HS6ST2: variants seen among roughly 807,000 people sequenced by gnomAD.
HS6ST2 encodes the protein heparan-sulfate 6-O-sulfotransferase 2.
Under a neutral mutation model 33.0 loss-of-function variants are expected in HS6ST2, and 17 were observed. The observed-to-expected ratio is 0.52, with a 90% confidence interval of 0.35 to 0.77. HS6ST2 has a LOEUF of 0.77. Among genes scored for constraint, HS6ST2 ranks in the 30% least tolerant of loss-of-function variants. The pLI is 0.01. For missense variants in HS6ST2, 519 were observed against 551.7 expected (o/e 0.94, Z 0.59); for synonymous variants, 248 against 237.1 (o/e 1.05, Z -0.42).
chrX:132,870,407 GAA>G (rs1289370837), intron 2 of HS6ST2, among the ~76,000 whole-genome samples: 1 of 111,696 alleles, frequency 9.0e-6, no homozygotes, highest in Non-Finnish European at 1.9e-5. Context: ...CACAGAATTG[GAA>G]AAAACTACTT....
chrX:132,656,018 T>C (rs770105421), intron 4 of HS6ST2, among the ~76,000 whole-genome samples: 9 of 111,253 alleles, frequency 8.1e-5, no homozygotes, highest in Non-Finnish European at 1.5e-4. Context: ...AGAGGCCAGT[T>C]TAAGGAAATG....
chrX:132,801,250 C>G (rs1025695923), intron 2 of HS6ST2, among the ~76,000 whole-genome samples: 1 of 109,496 alleles, frequency 9.1e-6, no homozygotes, highest in Non-Finnish European at 1.9e-5. Context: ...GAGTCGAGAT[C>G]GCGTCACTGC....
intron 2 of HS6ST2, among the ~76,000 whole-genome samples, chrX:132,765,887 T>G (rs1220427766): frequency 8.9e-6 from 1 of 112,297 alleles, no homozygotes; most frequent in Non-Finnish European, 1.9e-5. Flanking sequence ...TTATTCTCCT[T>G]TTTAAGTTTA....
At chrX:132,745,174 C>T (rs1044871266) in intron 2 of HS6ST2, among the ~76,000 whole-genome samples, 6 of 111,386 alleles carry the variant, frequency 5.4e-5, no homozygotes, top group Non-Finnish European at 9.4e-5. Flanking sequence ...TAACCTCTGC[C>T]TCCCAGGTTC....
chrX:132,800,392 A>G (rs2065223074), intron 2 of HS6ST2, among the ~76,000 whole-genome samples: 1 of 111,817 alleles, frequency 8.9e-6, no homozygotes, highest in Admixed American at 9.5e-5. Context: ...ATTCCACATT[A>G]TAGTGAGTTG....
chrX:132,954,420 T>C (rs2067045867), intron 2 of HS6ST2, among the ~76,000 whole-genome samples: 1 of 111,466 alleles, frequency 9.0e-6, no homozygotes, highest in African/African-American at 3.3e-5. Context: ...TGCCTTTACC[T>C]CTAAATTTTT....
chrX:132,781,937 T>G (rs1024388690), intron 2 of HS6ST2, among the ~76,000 whole-genome samples: 3 of 111,331 alleles, frequency 2.7e-5, no homozygotes, highest in Non-Finnish European at 5.7e-5. Context: ...TGAACAGAGG[T>G]CAGATGAACA....
intron 2 of HS6ST2, among the ~76,000 whole-genome samples, chrX:132,911,209 C>T (rs1189067741): frequency 9.1e-6 from 1 of 110,009 alleles, no homozygotes; most frequent in African/African-American, 3.3e-5. Context: ...GTAGCCTGGT[C>T]TCATGGGCAC....
intron 2 of HS6ST2, among the ~76,000 whole-genome samples, chrX:132,904,359 T>TAAAAA (rs1183916814): frequency 3.8e-4 from 42 of 111,447 alleles, no homozygotes; most frequent in Middle Eastern, 4.7e-3. Context: ...TGTTAAAAGT[T>TAAAAA]TCCGGCTTTT....
At chrX:132,758,280 A>G (rs1340811153) in intron 2 of HS6ST2, 1 of 112,195 alleles carries the variant, frequency 8.9e-6, no homozygotes, top group African/African-American at 3.2e-5. Flanking sequence ...TTCTGAATGA[A>G]ACTTCTTATC....
intron 3 of HS6ST2, among the ~76,000 whole-genome samples, chrX:132,694,672 G>C (rs908532686): frequency 2.7e-5 from 3 of 111,116 alleles, no homozygotes; most frequent in Non-Finnish European, 5.7e-5. Flanking sequence ...AAGGAAGCAG[G>C]GGAGCCAGCT....
chrX:132,741,476 T>C (rs1030893808), intron 2 of HS6ST2, among the ~76,000 whole-genome samples: 1 of 109,711 alleles, frequency 9.1e-6, no homozygotes, highest in Non-Finnish European at 1.9e-5. Context: ...GAGATTGGAT[T>C]TCACCATGTT....
At chrX:132,637,742 T>A (rs1435994128) in intron 4 of HS6ST2, among the ~76,000 whole-genome samples, 1 of 79,217 alleles carries the variant, frequency 1.3e-5, no homozygotes. Flanking sequence ...TATATATATA[T>A]AAAAAATATA....
chrX:132,858,041 A>G (rs1028975700), intron 2 of HS6ST2, among the ~76,000 whole-genome samples: 4 of 111,973 alleles, frequency 3.6e-5, no homozygotes, highest in Non-Finnish European at 5.6e-5. Context: ...TTTGGAATTC[A>G]GCTACAACAG....
chrX:132,656,286 T>C (rs1009398949), intron 4 of HS6ST2, among the ~76,000 whole-genome samples: 2 of 110,777 alleles, frequency 1.8e-5, no homozygotes, highest in African/African-American at 6.5e-5. Flanking sequence ...GACTGTGAGA[T>C]TGTCCAATAG....
chrX:132,925,189 C>T (rs2066697797), intron 2 of HS6ST2, among the ~76,000 whole-genome samples: 1 of 112,095 alleles, frequency 8.9e-6, no homozygotes. Flanking sequence ...GTTTAGAATG[C>T]TTCCATATTG....
In HS6ST2 at chrX:132,676,376, T is replaced by C. The variant is rs1056518623; in HGVS notation, c.981-7177A>G. 2.7e-5 allele frequency among the ~76,000 whole-genome samples: 3 copies of C among 111,549 alleles called. No homozygotes were observed. In the East Asian group the frequency reaches 8.5e-4, roughly 31 times the overall value. Reference sequence around the variant, plus strand: ...CTACATAACAATGTAATGTACCAAGTGGAATAAACAAGTGTGAAAAAATGC... The same window carrying C: ...CTACATAACAATGTAATGTACCAAGCGGAATAAACAAGTGTGAAAAAATGC... On this transcript the variant is annotated intron_variant, in intron 3 of 4. Coordinates refer to ENST00000370833, the MANE Select transcript of HS6ST2 (RefSeq NM_001394073.1).
intron 3 of HS6ST2, among the ~76,000 whole-genome samples, chrX:132,696,138 C>T (rs1386211732): frequency 8.9e-5 from 10 of 111,803 alleles, no homozygotes; most frequent in Admixed American, 7.6e-4. Context: ...GTATCAAAAG[C>T]GATGAGACGA....
chrX:132,682,638 CT>C (rs530839541), intron 3 of HS6ST2, among the ~76,000 whole-genome samples: 1,686 of 91,530 alleles, frequency 0.018, 15 homozygotes, highest in African/African-American at 0.053. Context: ...ATGACGTTTA[CT>C]TTTTTTTTTT....
Sources: gnomAD v4.1 joint callset for allele counts (sites outside exome capture counted in the v4.1 genomes callset) on GRCh38, gnomAD v4.1.1 for gene constraint, MANE v1.5 for transcripts, NCBI Gene and HGNC (gene_info 2026-07-23, HGNC 2026-07-21) for gene names.